The following ITGA1 variants were observed in gnomAD, a reference collection of about 807,000 sequenced individuals.
ITGA1 encodes integrin alpha-1.
ITGA1 carries 85 observed loss-of-function variants against 145.9 expected under a neutral mutation model. That is an observed-to-expected ratio of 0.58 (90% CI 0.49 to 0.70). ITGA1 has a LOEUF of 0.70. ITGA1 is among the 30% of genes least tolerant of loss of function. The probability of loss-of-function intolerance (pLI) is 0.00; values close to 1 mark genes in which losing one functional copy is unlikely to be tolerated. For missense variants in ITGA1, 1,351 were observed against 1,418.7 expected (o/e 0.95, Z 0.77); for synonymous variants, 520 against 495.3 (o/e 1.05, Z -0.66).
At chr5:52,831,269 A>G (rs6896304) in intron 1 of ITGA1, among the ~76,000 whole-genome samples, 14,059 of 151,902 alleles carry the variant, frequency 0.093, 829 homozygotes, top group South Asian at 0.23. Context: ...AGTAGCTGGG[A>G]TTACAGACGT....
intron 1 of ITGA1, among the ~76,000 whole-genome samples, chr5:52,832,777 G>GTGTGTC (rs1561221733): frequency 9.1e-6 from 1 of 109,626 alleles, no homozygotes; most frequent in Non-Finnish European, 1.8e-5. Flanking sequence ...GTGTGTGTGT[G>GTGTGTC]TGTGTGTGTG....
chr5:52,801,258 AAG>A, intron 1 of ITGA1: 1 of 1,149,676 alleles, frequency 8.7e-7, no homozygotes, highest in Middle Eastern at 2.4e-4. Context: ...ATGAAATAAA[AAG>A]AGAATGTTAA....
chr5:52,834,143 T>A (rs1737570692), intron 1 of ITGA1, among the ~76,000 whole-genome samples: 1 of 152,208 alleles, frequency 6.6e-6, no homozygotes, highest in African/African-American at 2.4e-5. Flanking sequence ...CTGTGTTACT[T>A]TCATCTTTCT....
intron 1 of ITGA1, among the ~76,000 whole-genome samples, chr5:52,833,431 C>A (rs1749108396): frequency 6.6e-6 from 1 of 152,060 alleles, no homozygotes; most frequent in Admixed American, 6.6e-5. Flanking sequence ...ACTCATAATA[C>A]TATATGATTG....
intron 1 of ITGA1, among the ~76,000 whole-genome samples, chr5:52,839,128 C>T (rs1157364843): frequency 6.6e-6 from 1 of 151,998 alleles, no homozygotes; most frequent in African/African-American, 2.4e-5. Flanking sequence ...ACAACAACAA[C>T]AAAGTCACAA....
At chr5:52,874,694 G>A (rs1321665701) in intron 6 of ITGA1, among the ~76,000 whole-genome samples, 6 of 151,954 alleles carry the variant, frequency 3.9e-5, no homozygotes, top group Admixed American at 1.3e-4. Flanking sequence ...GTGTCTGGAC[G>A]ATCAAGTATT....
At position 52,843,131 on chromosome 5, in the gene ITGA1, C is replaced by G. The variant is rs145686227; in HGVS notation, c.62-6234C>G. Among the ~76,000 whole-genome samples, 301 of 152,268 alleles carry G rather than the reference C, an allele frequency of 2.0e-3. 1 individual carries two copies. The highest frequency in any genetic ancestry group is 7.0e-3 in the African/African-American group (289 of 41,546). Reference sequence around the variant, plus strand: ...TAGATGAAAAGATTAGTTCCTGTATCTCCAGGGATCACTATCTTTCTATAC... The same window carrying G: ...TAGATGAAAAGATTAGTTCCTGTATGTCCAGGGATCACTATCTTTCTATAC... On this transcript the variant is annotated intron_variant, in intron 1 of 28. Coordinates refer to ENST00000282588, the MANE Select transcript of ITGA1 (RefSeq NM_181501.2).
At chr5:52,918,111 G>A (rs941239087) in intron 15 of ITGA1, among the ~76,000 whole-genome samples, 1 of 152,134 alleles carries the variant, frequency 6.6e-6, no homozygotes, top group African/African-American at 2.4e-5. Flanking sequence ...TAAAACGACT[G>A]AGTTTAAAAT....
intron 1 of ITGA1, among the ~76,000 whole-genome samples, chr5:52,796,401 G>T (rs1561210085): frequency 6.6e-6 from 1 of 151,894 alleles, no homozygotes; most frequent in Non-Finnish European, 1.5e-5. Context: ...GATTTATACT[G>T]ATATAAAGTT....
chr5:52,856,592 C>T (rs553793584), intron 2 of ITGA1, among the ~76,000 whole-genome samples: 2 of 152,036 alleles, frequency 1.3e-5, no homozygotes, highest in African/African-American at 2.4e-5. Context: ...AAATCTTCAT[C>T]GCTCTCTACA....
At chr5:52,929,921 A>C (rs1561252625) in intron 21 of ITGA1, among the ~76,000 whole-genome samples, 1 of 152,184 alleles carries the variant, frequency 6.6e-6, no homozygotes, top group Non-Finnish European at 1.5e-5. Flanking sequence ...CACCTAGATT[A>C]AAGCAATGGT....
intron 1 of ITGA1, among the ~76,000 whole-genome samples, chr5:52,845,109 T>C (rs1749312728): frequency 6.6e-6 from 1 of 152,002 alleles, no homozygotes; most frequent in African/African-American, 2.4e-5. Flanking sequence ...CCCCAGACAT[T>C]CCACACAACA....
rs142330293 is a variant in ITGA1 at position 52,896,064 on chromosome 5, G to A, written c.1091-1391G>A. ...AAATAGTCTACTGTCTCCATTTCCC[G>A]TTGAGCACTGGGAGAAAATGCCAAC... is the stretch of plus-strand genomic sequence containing the variant. On this transcript the variant is annotated intron_variant, in intron 9 of 28. Coordinates refer to ENST00000282588, the MANE Select transcript of ITGA1 (RefSeq NM_181501.2). Among the ~76,000 whole-genome samples the A allele has an allele frequency of 1.3e-4, 20 of 152,250 alleles. No homozygotes were observed. The East Asian group carries it at 1.4e-3, about 10-fold the overall frequency.
chr5:52,798,626 A>G (rs1023335442), intron 1 of ITGA1, among the ~76,000 whole-genome samples: 1 of 152,112 alleles, frequency 6.6e-6, no homozygotes, highest in Non-Finnish European at 1.5e-5. Flanking sequence ...TAGCAGGGGG[A>G]AAATAGTCAT....
At chr5:52,913,757 A>G (rs1750602438) in intron 14 of ITGA1, among the ~76,000 whole-genome samples, 1 of 152,188 alleles carries the variant, frequency 6.6e-6, no homozygotes, top group African/African-American at 2.4e-5. Flanking sequence ...TTGGTTCTGT[A>G]GTCAACAGAG....
intron 6 of ITGA1, among the ~76,000 whole-genome samples, chr5:52,872,890 A>G (rs1749800585): frequency 6.6e-6 from 1 of 152,106 alleles, no homozygotes; most frequent in South Asian, 2.1e-4. Flanking sequence ...CTATGTTCCC[A>G]TAGCAGCTGC....
intron 14 of ITGA1, among the ~76,000 whole-genome samples, chr5:52,912,210 AGATAT>A (rs928622890): frequency 6.2e-5 from 9 of 144,394 alleles, no homozygotes; most frequent in African/African-American, 2.0e-4. Context: ...TCTAGTATAT[AGATAT>A]GATATATATA....
In ITGA1 at chr5:52,953,944, T is replaced by C. The variant is rs1247529038; in HGVS notation, c.*1493T>C. The C allele has an allele frequency of 1.8e-5, 2 of 113,330 alleles. No homozygotes were observed. The highest frequency in any genetic ancestry group is 4.2e-5 in the Non-Finnish European group (2 of 48,080). The allele number at this position is 113,330 out of a possible 1,614,324, so 7.0% of individuals were successfully genotyped here. A position where few individuals can be genotyped will look rare whatever the true frequency, so the allele number is the denominator to read the frequency against. Reference sequence around the variant, plus strand: ...AAATCCACATAGAAATTAAATGTTATAAATTTATTTTTTTAAACTAATTTC... The same window carrying C: ...AAATCCACATAGAAATTAAATGTTACAAATTTATTTTTTTAAACTAATTTC... On this transcript the variant is annotated 3_prime_UTR_variant, in exon 29 of 29. Coordinates refer to ENST00000282588, the MANE Select transcript of ITGA1 (RefSeq NM_181501.2).
chr5:52,861,692 G>A (rs923424790), intron 3 of ITGA1, 133 bp downstream of exon 3: 28 of 623,212 alleles, frequency 4.5e-5, no homozygotes, highest in African/African-American at 7.3e-5. Flanking sequence ...GCAACCTGAC[G>A]AAACCTCATC....
Sources: allele counts gnomAD v4.1 joint callset (sites outside exome capture counted in the v4.1 genomes callset), GRCh38; gene constraint gnomAD v4.1.1; transcripts MANE v1.5; gene names NCBI Gene and HGNC (gene_info 2026-07-23, HGNC 2026-07-21).